MPP4: variants seen among roughly 807,000 people sequenced by gnomAD.
MPP4 encodes MAGUK p55 scaffold protein 4, also known as MAGUK p55 subfamily member 4.
MPP4 carries 91 observed loss-of-function variants against 98.3 expected under a neutral mutation model. The observed-to-expected ratio is 0.93, with a 90% confidence interval of 0.78 to 1.10. The LOEUF (loss-of-function observed/expected upper bound fraction) is 1.10. Ranked by LOEUF, MPP4 falls within the 50% of genes least tolerant of loss-of-function variation. The pLI, the probability that MPP4 is intolerant of heterozygous loss-of-function variation, is 0.00. For synonymous variants in MPP4, 261 were observed against 271.8 expected (o/e 0.96, Z 0.39); for missense variants, 744 against 792.9 (o/e 0.94, Z 0.74).
At chr2:201,698,528 G>A in intron 1 of MPP4, 59 bp downstream of exon 1, 1 of 1,260,736 alleles carries the variant, frequency 7.9e-7, no homozygotes, top group South Asian at 1.3e-5. Flanking sequence ...TGACAGGCAA[G>A]CTAGGCAGTT....
At chr2:201,683,681 G>A (rs1020817581) in intron 7 of MPP4, among the ~76,000 whole-genome samples, 8 of 151,838 alleles carry the variant, frequency 5.3e-5, no homozygotes, top group African/African-American at 1.9e-4. Flanking sequence ...GAACTCGGGA[G>A]GCAGAGGTTG....
At position 201,671,276 on chromosome 2, in the gene MPP4, A is replaced by G. The variant is rs1688336424; in HGVS notation, c.995-1526T>C. ...AGGGAGCCAAGTGGTTTTGCTCAGC[A>G]GATCCCACCCCCACGGAGCCTAGCA... On this transcript the variant is annotated intron_variant, in intron 11 of 21. Transcript: ENST00000409474. 3.3e-5 allele frequency among the ~76,000 whole-genome samples: 5 copies of G among 152,182 alleles called. No individual in the cohort carries two copies. The South Asian group carries it at 1.0e-3, about 32-fold the overall frequency.
chr2:201,671,101 G>T (rs1262864119), intron 11 of MPP4, among the ~76,000 whole-genome samples: 1 of 152,156 alleles, frequency 6.6e-6, no homozygotes, highest in Non-Finnish European at 1.5e-5. Context: ...ACACCACCAG[G>T]GCCGTGGGTT....
At chr2:201,647,951 G>T in intron 20 of MPP4, 126 bp from the exon 21 acceptor site, 3 of 896,084 alleles carry the variant, frequency 3.3e-6, no homozygotes, top group Non-Finnish European at 5.0e-6. Context: ...AGCTTCCCAG[G>T]CTCAAACGAT....
intron 4 of MPP4, among the ~76,000 whole-genome samples, chr2:201,689,147 G>A (rs555666994): frequency 4.1e-4 from 63 of 152,184 alleles, no homozygotes; most frequent in African/African-American, 1.5e-3. Flanking sequence ...GGCCAAAATG[G>A]TGAAACCCCG....
intron 14 of MPP4, among the ~76,000 whole-genome samples, chr2:201,662,546 T>G (rs1688058340): frequency 6.7e-6 from 1 of 150,364 alleles, no homozygotes; most frequent in Non-Finnish European, 1.5e-5. Context: ...TATAAATCCT[T>G]GGGCATAACA....
At chr2:201,674,918 C>T (rs953418679) in intron 11 of MPP4, 3 of 500,986 alleles carry the variant, frequency 6.0e-6, no homozygotes, top group Non-Finnish European at 1.1e-5. Context: ...CCTGTGGCTC[C>T]ACCCAGAAGC....
At position 201,651,692 on chromosome 2, in the gene MPP4, G is replaced by A. The variant is rs928101055; in HGVS notation, c.1382-1527C>T. The stretch of plus-strand genomic sequence containing the variant: ...ATTTTGGCCGGGCACAGTGGCTCAC[G>A]CCTGTAATCCCAGCACTTTGGGAGG... On this transcript the variant is annotated intron_variant, in intron 18 of 21. Transcript: ENST00000409474. The A allele has an allele frequency of 1.2e-5, 12 of 980,162 alleles. No individual in the cohort carries two copies. In the African/African-American group the frequency reaches 1.4e-4, roughly 11 times the overall value. The allele number at this position is 980,162 out of a possible 1,614,324, so 60.7% of individuals were successfully genotyped here. A position where few individuals can be genotyped will look rare whatever the true frequency, so the allele number is the denominator to read the frequency against.
In MPP4 at chr2:201,645,517, G is replaced by A. The variant is rs990962072; in HGVS notation, c.1720-113C>T. ...GTGAAACTATGTATAAAAACAGTAAGGTCCGAAAATTTTGCACAGATGATT... is the reference window on the plus strand; with the variant it reads ...GTGAAACTATGTATAAAAACAGTAAAGTCCGAAAATTTTGCACAGATGATT... On this transcript the variant is annotated intron_variant, in intron 21 of 21. Transcript: ENST00000409474. 7.0e-6 allele frequency: 6 copies of A among 859,864 alleles called. No homozygotes were observed. The East Asian group carries it at 9.3e-5, about 13-fold the overall frequency. The allele number at this position is 859,864 out of a possible 1,614,324, so 53.3% of individuals were successfully genotyped here. A position where few individuals can be genotyped will look rare whatever the true frequency, so the allele number is the denominator to read the frequency against.
chr2:201,646,133 C>T (rs1030779619), intron 21 of MPP4, among the ~76,000 whole-genome samples: 2 of 152,168 alleles, frequency 1.3e-5, no homozygotes, highest in Non-Finnish European at 2.9e-5. Context: ...GATTACTCCC[C>T]TCAACTTCCC....
chr2:201,690,687 G>A (rs1306359462), intron 3 of MPP4, among the ~76,000 whole-genome samples: 2 of 152,304 alleles, frequency 1.3e-5, no homozygotes, highest in East Asian at 1.9e-4. Context: ...TGTGTTGGGC[G>A]CCTGTGCAGC....
Position 201,695,864 on chromosome 2 carries a change from G to A in MPP4, c.-100-1810C>T, listed in dbSNP as rs141633803. ...TGGTAACAACCAAGGGGTATGCGGT[G>A]GGGGTAGGGACCAACAACATTGTTA... is the stretch of plus-strand genomic sequence containing the variant. On this transcript the variant is annotated intron_variant, in intron 1 of 21. Transcript: ENST00000409474. Among the ~76,000 whole-genome samples, 747 of 152,254 alleles carry A rather than the reference G, an allele frequency of 4.9e-3. 17 individuals carry two copies. The East Asian group carries it at 0.051, about 10-fold the overall frequency.
At chr2:201,683,367 T>C (rs73989537) in intron 7 of MPP4, among the ~76,000 whole-genome samples, 4,148 of 152,022 alleles carry the variant, frequency 0.027, 174 homozygotes, top group African/African-American at 0.095. Context: ...AGAGAAGAAG[T>C]GGAATGGTGT....
chr2:201,685,793 A>G, intron 6 of MPP4, 126 bp downstream of exon 6: 1 of 1,074,642 alleles, frequency 9.3e-7, no homozygotes, highest in Non-Finnish European at 1.3e-6. Flanking sequence ...CAGAGTTGAC[A>G]GCCGTTATTA....
intron 1 of MPP4, among the ~76,000 whole-genome samples, chr2:201,696,232 A>G (rs377191068): frequency 8.6e-4 from 131 of 152,222 alleles, no homozygotes; most frequent in African/African-American, 3.0e-3. Context: ...TCCATCACCT[A>G]CCTTGCCCAC....
intron 10 of MPP4, among the ~76,000 whole-genome samples, chr2:201,677,753 G>A (rs777745205): frequency 1.1e-4 from 16 of 152,180 alleles, no homozygotes; most frequent in Non-Finnish European, 2.2e-4. Context: ...CGGGGAATCC[G>A]TATTTTACAA....
rs981575750 is a variant in MPP4 at position 201,645,540 on chromosome 2, A to G, written c.1720-136T>C. On this transcript the variant is annotated intron_variant, in intron 21 of 21. Transcript: ENST00000409474. ...AAGGTCCGAAAATTTTGCACAGATG[A>G]TTTTCAATAAAGTTTCAAAAATATT... The G allele has an allele frequency of 5.1e-6, 3 of 585,398 alleles. No individual in the cohort carries two copies. In the Admixed American group the frequency reaches 1.2e-4, roughly 23 times the overall value. The allele number at this position is 585,398 out of a possible 1,614,324, so 36.3% of individuals were successfully genotyped here.
chr2:201,696,106 A>C (rs935189088), intron 1 of MPP4, among the ~76,000 whole-genome samples: 2 of 152,310 alleles, frequency 1.3e-5, no homozygotes, highest in South Asian at 4.1e-4. Flanking sequence ...CAACACAGAA[A>C]GCTGTTACAG....
At chr2:201,651,071 C>T in intron 18 of MPP4, 4 of 985,380 alleles carry the variant, frequency 4.1e-6, no homozygotes, top group Non-Finnish European at 4.8e-6. Context: ...ATCCTATATA[C>T]TGTAAAGCTA....
Sources: gnomAD v4.1 joint callset for allele counts (sites outside exome capture counted in the v4.1 genomes callset) on GRCh38, gnomAD v4.1.1 for gene constraint, MANE v1.5 for transcripts, NCBI Gene and HGNC (gene_info 2026-07-23, HGNC 2026-07-21) for gene names.